The following SLC23A2 variants were observed in gnomAD, a reference collection of about 807,000 sequenced individuals.
SLC23A2 encodes the protein solute carrier family 23 member 2.
Under a neutral mutation model 73.3 loss-of-function variants are expected in SLC23A2, and 36 were observed. The ratio of observed to expected loss-of-function variants is 0.49; its 90% CI spans 0.38 to 0.65. The LOEUF is 0.65. Ranked by LOEUF, SLC23A2 falls within the 30% of genes least tolerant of loss-of-function variation. The pLI is 0.00. For missense variants in SLC23A2, 507 were observed against 841.6 expected (o/e 0.60, Z 4.92); for synonymous variants, 343 against 327.3 (o/e 1.05, Z -0.52).
intron 1 of SLC23A2, among the ~76,000 whole-genome samples, chr20:4,978,414 GAT>G (rs1261355033): frequency 6.6e-6 from 1 of 152,158 alleles, no homozygotes; most frequent in Non-Finnish European, 1.5e-5. Context: ...ATAATAACCA[GAT>G]TAAAGTAACT....
chr20:4,985,250 A>G (rs1472702574), intron 1 of SLC23A2, among the ~76,000 whole-genome samples: 3 of 152,170 alleles, frequency 2.0e-5, no homozygotes, highest in Non-Finnish European at 2.9e-5. Flanking sequence ...TTGTATTCAA[A>G]TGTTCATAAC....
At chr20:4,933,859 C>T (rs554586177) in intron 2 of SLC23A2, among the ~76,000 whole-genome samples, 2 of 152,254 alleles carry the variant, frequency 1.3e-5, no homozygotes, top group Admixed American at 1.3e-4. Flanking sequence ...AGCTGCCCTG[C>T]AAATGTGAGG....
intron 6 of SLC23A2, 41 bp from the exon 7 acceptor site, chr20:4,885,950 A>T (rs1318143635): frequency 7.3e-7 from 1 of 1,366,354 alleles, no homozygotes; most frequent in Non-Finnish European, 1.0e-6. Flanking sequence ...CGGCATCGGG[A>T]ACTACCGAGG....
At chr20:4,904,696 A>G (rs954011525) in intron 4 of SLC23A2, among the ~76,000 whole-genome samples, 12 of 152,248 alleles carry the variant, frequency 7.9e-5, no homozygotes, top group African/African-American at 2.9e-4. Flanking sequence ...AAAGTATTTC[A>G]TAACAAAGAG....
chr20:4,961,323 C>G, intron 2 of SLC23A2, among the ~76,000 whole-genome samples: 1 of 151,968 alleles, frequency 6.6e-6, no homozygotes, highest in Non-Finnish European at 1.5e-5. Context: ...ACCTCATGAT[C>G]CGCCCACCTT....
chr20:4,925,110 G>A (rs1414452593), intron 3 of SLC23A2, among the ~76,000 whole-genome samples: 1 of 151,962 alleles, frequency 6.6e-6, no homozygotes. Context: ...TTAAACCCAG[G>A]AGGTTGAGGC....
intron 1 of SLC23A2, among the ~76,000 whole-genome samples, chr20:4,993,710 C>G (rs1420069298): frequency 6.6e-6 from 1 of 152,064 alleles, no homozygotes; most frequent in East Asian, 1.9e-4. Flanking sequence ...CATACATTCC[C>G]CCATATCATG....
intron 2 of SLC23A2, among the ~76,000 whole-genome samples, chr20:4,934,428 G>A (rs1275698718): frequency 1.3e-5 from 2 of 152,148 alleles, no homozygotes; most frequent in African/African-American, 4.8e-5. Flanking sequence ...TCCCAAGGAT[G>A]GCATCCCAGA....
intron 13 of SLC23A2, among the ~76,000 whole-genome samples, chr20:4,866,124 T>C (rs956884666): frequency 3.3e-5 from 5 of 152,172 alleles, no homozygotes; most frequent in Admixed American, 6.5e-5. Flanking sequence ...TGAGCCACCG[T>C]ACCCAGCCAA....
chr20:4,921,654 T>TTAC (rs1332938437), intron 3 of SLC23A2, among the ~76,000 whole-genome samples: 9 of 152,106 alleles, frequency 5.9e-5, no homozygotes, highest in Non-Finnish European at 1.0e-4. Context: ...ATATTTTCTG[T>TTAC]TACTACCAAA....
upstream of SLC23A2, among the ~76,000 whole-genome samples, chr20:5,005,726 G>A (rs1462919499): frequency 3.3e-5 from 5 of 152,166 alleles, no homozygotes; most frequent in Non-Finnish European, 5.9e-5. Flanking sequence ...CGTGGCTCAC[G>A]CTTGTAATCC....
chr20:4,882,382 G>C (rs1225713578), intron 9 of SLC23A2, among the ~76,000 whole-genome samples: 1 of 151,834 alleles, frequency 6.6e-6, no homozygotes, highest in South Asian at 2.1e-4. Context: ...TGCAAAAAAA[G>C]AACAATTTTG....
chr20:4,986,689 C>CACACACACACACACAG lies in SLC23A2; in HGVS notation c.-282+14716_-282+14717insCTGTGTGTGTGTGTGT, dbSNP rs71197739. Among the ~76,000 whole-genome samples, 67 of 129,950 alleles carry CACACACACACACACAG rather than the reference C, an allele frequency of 5.2e-4. No homozygotes were observed. In the South Asian group the frequency reaches 8.6e-3, roughly 17 times the overall value. 85.3% of individuals were successfully genotyped at this position (129,950 alleles called of 152,430 possible). ...ACACACACACACACACACACACACA[C>CACACACACACACACAG]AGAGATGAATATAAATAGAGAGAAG... On this transcript the variant is annotated intron_variant, in intron 1 of 16. Coordinates refer to ENST00000338244, the MANE Select transcript of SLC23A2 (RefSeq NM_005116.6).
intron 6 of SLC23A2, among the ~76,000 whole-genome samples, chr20:4,889,959 G>A (rs1458467001): frequency 6.6e-6 from 1 of 152,114 alleles, no homozygotes; most frequent in East Asian, 1.9e-4. Context: ...ATGTGCATGG[G>A]TTTTCATGAT....
rs1319141929 is a variant in SLC23A2, at chr20:4,862,691, T to A, written c.1486+87A>T. On this transcript the variant is annotated intron_variant, in intron 14 of 16. Coordinates refer to ENST00000338244, the MANE Select transcript of SLC23A2 (RefSeq NM_005116.6). The surrounding 1 kb of genome is among the most constrained non-coding windows in gnomAD (Gnocchi z 5.1). ...TTAAAATAGAAATTTATCGTTACCT[T>A]CTTACTGAAGGGAGTCAGCAAAAAC... 2.1e-5 allele frequency: 25 copies of A among 1,219,250 alleles called. No individual in the cohort carries two copies. The highest frequency in any genetic ancestry group is 2.9e-5 in the Non-Finnish European group (25 of 864,360). 75.5% of individuals were successfully genotyped at this position (1,219,250 alleles called of 1,614,324 possible). A position where few individuals can be genotyped will look rare whatever the true frequency, so the allele number is the denominator to read the frequency against.
chr20:4,874,760 C>A, intron 9 of SLC23A2, 64 bp from the exon 10 acceptor site: 1 of 1,385,928 alleles, frequency 7.2e-7, no homozygotes, highest in Non-Finnish European at 9.7e-7. Context: ...AAATAACACT[C>A]GAAGCTTCTA....
chr20:4,886,409 T>C (rs1931099124), intron 6 of SLC23A2, among the ~76,000 whole-genome samples: 2 of 152,240 alleles, frequency 1.3e-5, no homozygotes, highest in African/African-American at 4.8e-5. Context: ...TAAATCATAA[T>C]AGTGATCTAG....
At chr20:4,987,451 G>C (rs1053197236) in intron 1 of SLC23A2, among the ~76,000 whole-genome samples, 1 of 151,964 alleles carries the variant, frequency 6.6e-6, no homozygotes, top group African/African-American at 2.4e-5. Context: ...AAATCAGCAG[G>C]GAAACAAAAA....
chr20:4,877,986 T>C (rs912628886), intron 9 of SLC23A2, among the ~76,000 whole-genome samples: 1 of 152,222 alleles, frequency 6.6e-6, no homozygotes, highest in Non-Finnish European at 1.5e-5. Context: ...ATCATGTAGA[T>C]AATACACATT....
Sources: gnomAD v4.1 joint callset for allele counts (sites outside exome capture counted in the v4.1 genomes callset) on GRCh38, gnomAD v4.1.1 for gene constraint, Gnocchi (gnomAD v3.1) non-coding constraint, MANE v1.5 for transcripts, NCBI Gene and HGNC (gene_info 2026-07-23, HGNC 2026-07-21) for gene names.